ARFGEF1: variants seen among roughly 807,000 people sequenced by gnomAD.
ARFGEF1 encodes brefeldin A-inhibited guanine nucleotide-exchange protein 1.
A neutral mutation model predicts 231.0 loss-of-function variants in ARFGEF1; 42 were observed. The observed-to-expected ratio is 0.18, with a 90% CI of 0.14 to 0.24. The LOEUF (loss-of-function observed/expected upper bound fraction) is 0.24, where lower values mean the gene tolerates loss of function less well. Among genes scored for constraint, ARFGEF1 ranks in the 10% least tolerant of loss-of-function variants. The probability of loss-of-function intolerance (pLI) is 1.00; values close to 1 mark genes in which losing one functional copy is unlikely to be tolerated. For missense variants in ARFGEF1, 1,345 were observed against 2,192.0 expected (o/e 0.61, Z 7.72); for synonymous variants, 710 against 732.3 (o/e 0.97, Z 0.49).
chr8:67,312,154 T>G (rs1807099301), intron 1 of ARFGEF1, among the ~76,000 whole-genome samples: 1 of 151,772 alleles, frequency 6.6e-6, no homozygotes, highest in African/African-American at 2.4e-5. Context: ...TTCACTTGTT[T>G]ATCTGCTGAC....
intron 1 of ARFGEF1, among the ~76,000 whole-genome samples, chr8:67,334,412 G>T (rs910779980): frequency 2.6e-5 from 4 of 152,062 alleles, no homozygotes; most frequent in African/African-American, 9.7e-5. Context: ...TAACAACTAG[G>T]ATGGCTAAAA....
At chr8:67,264,571 GAAGA>G (rs752664962) in intron 14 of ARFGEF1, among the ~76,000 whole-genome samples, 1 of 152,048 alleles carries the variant, frequency 6.6e-6, no homozygotes, top group Non-Finnish European at 1.5e-5. Flanking sequence ...ATGCACGCAG[GAAGA>G]AAGAAAAAAC....
downstream of ARFGEF1, among the ~76,000 whole-genome samples, chr8:67,194,380 C>A (rs1370456138): frequency 1.3e-5 from 2 of 152,134 alleles, no homozygotes; most frequent in African/African-American, 4.8e-5. Context: ...CATATACTAT[C>A]TATCTAGCAG....
At chr8:67,329,902 A>T (rs919789296) in intron 1 of ARFGEF1, among the ~76,000 whole-genome samples, 4 of 152,072 alleles carry the variant, frequency 2.6e-5, no homozygotes, top group Non-Finnish European at 4.4e-5. Flanking sequence ...TTAAGGATAG[A>T]AAGCTTCAAT....
chr8:67,258,617 C>T (rs1331978998), intron 15 of ARFGEF1, among the ~76,000 whole-genome samples: 3 of 152,084 alleles, frequency 2.0e-5, no homozygotes, highest in African/African-American at 7.2e-5. Context: ...CCACTGTGCC[C>T]GGCCAGAAAT....
At chr8:67,301,080 T>C (rs1806466623) in intron 3 of ARFGEF1, 144 bp downstream of exon 3, 1 of 740,314 alleles carries the variant, frequency 1.4e-6, no homozygotes, top group Non-Finnish European at 2.1e-6. Flanking sequence ...TTATCTGTCT[T>C]AAATATAAAA....
chr8:67,280,446 C>T (rs1721891773), intron 7 of ARFGEF1, among the ~76,000 whole-genome samples: 1 of 152,210 alleles, frequency 6.6e-6, no homozygotes, highest in Non-Finnish European at 1.5e-5. Context: ...AGAAGGAAAA[C>T]CAACTAAGGT....
At chr8:67,331,257 C>T (rs184156615) in intron 1 of ARFGEF1, among the ~76,000 whole-genome samples, 109 of 152,178 alleles carry the variant, frequency 7.2e-4, no homozygotes, top group African/African-American at 2.6e-3. Context: ...ATTATATACC[C>T]TGCTATGGTC....
intron 21 of ARFGEF1, 98 bp from the exon 22 acceptor site, chr8:67,238,591 T>A: frequency 7.1e-7 from 1 of 1,408,068 alleles, no homozygotes; most frequent in Non-Finnish European, 9.6e-7. Flanking sequence ...CAGACTACAC[T>A]ATAGATTATT....
At chr8:67,260,556 C>A (rs1288518675) in intron 14 of ARFGEF1, among the ~76,000 whole-genome samples, 1 of 152,126 alleles carries the variant, frequency 6.6e-6, no homozygotes, top group African/African-American at 2.4e-5. Context: ...AGATGGTAAA[C>A]TTAATCAATA....
At chr8:67,182,223 G>A (rs546094222) in intron 5 of ARFGEF1, among the ~76,000 whole-genome samples, 2 of 151,994 alleles carry the variant, frequency 1.3e-5, no homozygotes, top group Non-Finnish European at 2.9e-5. Flanking sequence ...GGTTGGTCGC[G>A]AACTCTTGAG....
chr8:67,233,860 A>G (rs185430878), intron 22 of ARFGEF1, among the ~76,000 whole-genome samples: 3 of 152,130 alleles, frequency 2.0e-5, no homozygotes, highest in Admixed American at 2.0e-4. Context: ...CCAAGACTCA[A>G]TTTGGGTTCT....
chr8:67,182,222 C>G (rs1200289001), intron 5 of ARFGEF1, among the ~76,000 whole-genome samples: 1 of 152,062 alleles, frequency 6.6e-6, no homozygotes, highest in Non-Finnish European at 1.5e-5. Flanking sequence ...AGGTTGGTCG[C>G]GAACTCTTGA....
intron 14 of ARFGEF1, among the ~76,000 whole-genome samples, chr8:67,262,819 C>T (rs984438142): frequency 3.9e-5 from 6 of 152,096 alleles, no homozygotes; most frequent in African/African-American, 1.4e-4. Flanking sequence ...AATGTGTGTA[C>T]ATTGTTTTTT....
At position 67,226,178 on chromosome 8, in the gene ARFGEF1, C is replaced by T; in HGVS notation, c.3922G>A (p.Val1308Ile). Residue 1308 changes from valine to isoleucine, a missense_variant, in exon 28 of 39, where the codon GTA (valine) becomes ATA (isoleucine). This residue lies in a region of ARFGEF1 where 142 missense variants were observed against 227.3 expected (regional missense o/e 0.62). Coordinates refer to ENST00000262215, the MANE Select transcript of ARFGEF1 (RefSeq NM_006421.5). The part of the protein sequence containing the change: ...FQTTGHIVTL[V>I]FEKHFPATID... ...GTCGCTGGAAAGTGTTTTTCAAATA[C>T]AAGGGCTAAAATAGAGAAAAATATA... 1 of 1,601,934 alleles carries T rather than the reference C, an allele frequency of 6.2e-7. No individual in the cohort carries two copies. The highest frequency in any genetic ancestry group is 1.1e-5 in the South Asian group (1 of 88,562).
At chr8:67,195,648 CTG>C (rs1249083493), downstream of ARFGEF1, 3 of 1,487,762 alleles carry the variant, frequency 2.0e-6, no homozygotes, top group African/African-American at 4.2e-5. Context: ...AATGGTAAAT[CTG>C]TACCTTTAAT....
intron 24 of ARFGEF1, 22 bp from the exon 25 acceptor site, chr8:67,228,154 T>A (rs1587087160): frequency 6.2e-7 from 1 of 1,608,094 alleles, no homozygotes. Flanking sequence ...ATACATTTTT[T>A]TTTTAGCTCA....
chr8:67,249,403 T>A (rs1049622686), intron 19 of ARFGEF1, among the ~76,000 whole-genome samples: 3 of 150,090 alleles, frequency 2.0e-5, no homozygotes, highest in South Asian at 2.1e-4. Context: ...GTGTATTAAA[T>A]ACATTTTCCA....
Position 67,343,303 on chromosome 8 carries a change from G to T in ARFGEF1, c.-16C>A. 1 of 1,611,752 alleles carries T rather than the reference G, an allele frequency of 6.2e-7. No individual in the cohort carries two copies. The stretch of plus-strand genomic sequence containing the variant: ...CCTCATACATGGACGCAGAGAAGGA[G>T]GCGGCGGCTCGTCCGACCCGCGGCT... On this transcript the variant is annotated 5_prime_UTR_variant, in exon 1 of 39. Coordinates refer to ENST00000262215, the MANE Select transcript of ARFGEF1 (RefSeq NM_006421.5).
Sources: gnomAD v4.1 joint callset for allele counts (sites outside exome capture counted in the v4.1 genomes callset) on GRCh38, gnomAD v4.1.1 for gene constraint, gnomAD v4.1.1 regional missense constraint, MANE v1.5 for transcripts, NCBI Gene and HGNC (gene_info 2026-07-23, HGNC 2026-07-21) for gene names.